The following CABP1 variants were observed in gnomAD, a reference collection of about 807,000 sequenced individuals.
CABP1 encodes calcium-binding protein 1.
Under a neutral mutation model 34.3 loss-of-function variants are expected in CABP1, and 17 were observed. The observed-to-expected ratio is 0.50, with a 90% confidence interval of 0.34 to 0.74. The LOEUF (loss-of-function observed/expected upper bound fraction) is 0.74, where lower values mean the gene tolerates loss of function less well. Among genes scored for constraint, CABP1 ranks in the 30% least tolerant of loss-of-function variants. The pLI is 0.01. For missense variants in CABP1, 373 were observed against 511.1 expected (o/e 0.73, Z 2.61); for synonymous variants, 198 against 229.2 (o/e 0.86, Z 1.23).
chr12:120,646,307 C>T (rs763883895), intron 1 of CABP1, among the ~76,000 whole-genome samples: 3 of 152,294 alleles, frequency 2.0e-5, no homozygotes, highest in Non-Finnish European at 2.9e-5. Context: ...AACTGACCAG[C>T]GCCAAAGGCC....
intron 1 of CABP1, among the ~76,000 whole-genome samples, chr12:120,643,395 C>T (rs1273337703): frequency 6.6e-6 from 1 of 152,184 alleles, no homozygotes; most frequent in African/African-American, 2.4e-5. Context: ...CTTCCCTTTT[C>T]TCCGTATTGA....
chr12:120,652,696 G>A (rs1593159692), intron 1 of CABP1, among the ~76,000 whole-genome samples: 1 of 152,040 alleles, frequency 6.6e-6, no homozygotes, highest in Admixed American at 6.6e-5. Flanking sequence ...TCCCCTCCCC[G>A]CTCACCAGGC....
downstream of CABP1, among the ~76,000 whole-genome samples, chr12:120,671,493 T>G (rs1181829598): frequency 1.3e-5 from 2 of 152,246 alleles, no homozygotes; most frequent in South Asian, 2.1e-4. Flanking sequence ...GTCTAACTGA[T>G]GTACTGGGCT....
chr12:120,657,246 G>A (rs1880288032), intron 1 of CABP1, among the ~76,000 whole-genome samples: 1 of 152,180 alleles, frequency 6.6e-6, no homozygotes, highest in African/African-American at 2.4e-5. Flanking sequence ...CTTTCTACAA[G>A]TAGCTAAATA....
At chr12:120,673,212 G>A in the CABP1 span, among the ~76,000 whole-genome samples, 2 of 152,128 alleles carry the variant, frequency 1.3e-5, no homozygotes, top group African/African-American at 4.8e-5. Context: ...GTGATTACAA[G>A]AGTGCTTGCT....
the CABP1 span, among the ~76,000 whole-genome samples, chr12:120,674,660 G>A: frequency 9.4e-4 from 143 of 152,234 alleles, no homozygotes; most frequent in Non-Finnish European, 1.7e-3. Flanking sequence ...AGGCCAAGGC[G>A]GGTGGATCAC....
intron 1 of CABP1, chr12:120,656,130 A>C: frequency 4.3e-6 from 7 of 1,614,218 alleles, no homozygotes; most frequent in Non-Finnish European, 5.1e-6. Flanking sequence ...ATGGTGGTGC[A>C]GACGAGCGAG....
chr12:120,679,085 A>AC, the CABP1 span, among the ~76,000 whole-genome samples: 10 of 151,584 alleles, frequency 6.6e-5, no homozygotes, highest in Non-Finnish European at 1.5e-4. Context: ...AAAAAAAAAA[A>AC]AAAAAAAACC....
At chr12:120,680,403 C>G in the CABP1 span, among the ~76,000 whole-genome samples, 2 of 152,146 alleles carry the variant, frequency 1.3e-5, no homozygotes, top group African/African-American at 4.8e-5. Flanking sequence ...AATCTTGGTT[C>G]CTGTTACTCT....
downstream of CABP1, among the ~76,000 whole-genome samples, chr12:120,671,455 G>T (rs577907216): frequency 1.3e-5 from 2 of 152,354 alleles, no homozygotes; most frequent in Admixed American, 1.3e-4. Flanking sequence ...GGAGAGTGTG[G>T]CCCTTTTGGG....
At chr12:120,673,441 G>A in the CABP1 span, among the ~76,000 whole-genome samples, 64 of 151,924 alleles carry the variant, frequency 4.2e-4, no homozygotes, top group Non-Finnish European at 7.6e-4. Context: ...AAAATTAGCC[G>A]GGCATGGTGG....
rs575121850 is a variant in CABP1 at position 120,663,307 on chromosome 12, C to T, written c.1087+2089C>T. Among the ~76,000 whole-genome samples, 210 of 152,058 alleles carry T rather than the reference C, an allele frequency of 1.4e-3. 1 individual carries two copies. Among genetic ancestry groups the T allele is most frequent in the African/African-American group, 4.7e-3 (196 of 41,466 alleles). On this transcript the variant is annotated intron_variant, in intron 5 of 5. Coordinates refer to ENST00000316803, the MANE Select transcript of CABP1 (RefSeq NM_001033677.2). ...TTATTTATTTTAAGACAGGGTCTTG[C>T]TCTGTCGCCCAGGCTGGAGTGCAGT... is the stretch of plus-strand genomic sequence containing the variant.
At chr12:120,663,564 C>G (rs936483998) in intron 5 of CABP1, among the ~76,000 whole-genome samples, 7 of 152,208 alleles carry the variant, frequency 4.6e-5, no homozygotes, top group Admixed American at 4.6e-4. Context: ...TCGTGAGCCA[C>G]CGCGCCCAGC....
chr12:120,666,829 G>T, intron 5 of CABP1, 46 bp from the exon 6 acceptor site: 1 of 1,579,990 alleles, frequency 6.3e-7, no homozygotes. Context: ...ACCTGGGGAG[G>T]CCTCTGGCTG....
chr12:120,655,917 G>A (rs760608374), intron 1 of CABP1: 2 of 1,536,964 alleles, frequency 1.3e-6, no homozygotes, highest in South Asian at 2.4e-5. Context: ...GTCAAGGATT[G>A]GAGACTCTGT....
At chr12:120,671,903 C>CA (rs1486432684), downstream of CABP1, among the ~76,000 whole-genome samples, 3 of 151,952 alleles carry the variant, frequency 2.0e-5, no homozygotes, top group South Asian at 2.1e-4. Context: ...CTCATCTCCA[C>CA]AAAAAATTTT....
chr12:120,667,681 G>T (rs1881091644), downstream of CABP1, among the ~76,000 whole-genome samples: 1 of 152,154 alleles, frequency 6.6e-6, no homozygotes, highest in Non-Finnish European at 1.5e-5. Context: ...TAGAGATGGG[G>T]TTTCACATGT....
At chr12:120,680,838 C>G in the CABP1 span, among the ~76,000 whole-genome samples, 14 of 151,924 alleles carry the variant, frequency 9.2e-5, no homozygotes, top group Non-Finnish European at 1.6e-4. Flanking sequence ...CCTGTAATCC[C>G]AGCACTTTGG....
rs201173251 is a variant in CABP1 at position 120,660,153 on chromosome 12, G to A, written c.686-43G>A. On this transcript the variant is annotated intron_variant, in intron 2 of 5. Transcript: ENST00000316803. The surrounding 1 kb of genome is among the most constrained non-coding windows in gnomAD (Gnocchi z 5.0). Reference sequence around the variant, plus strand: ...CTGCCTTTGCCCACAGAGGCTCTGCGGGTCCTACCCCTGACCACATCCACC... The same window carrying A: ...CTGCCTTTGCCCACAGAGGCTCTGCAGGTCCTACCCCTGACCACATCCACC... 1.6e-5 allele frequency: 26 copies of A among 1,610,364 alleles called. No homozygotes were observed. Among genetic ancestry groups the A allele is most frequent in the Admixed American group, 3.4e-5 (2 of 59,656 alleles).
Sources: gnomAD v4.1 joint callset for allele counts (sites outside exome capture counted in the v4.1 genomes callset) on GRCh38, gnomAD v4.1.1 for gene constraint, Gnocchi (gnomAD v3.1) non-coding constraint, MANE v1.5 for transcripts, NCBI Gene and HGNC (gene_info 2026-07-23, HGNC 2026-07-21) for gene names.